The following CSMD3 variants were observed in gnomAD, a reference collection of about 807,000 sequenced individuals.
CSMD3 encodes CUB and sushi domain-containing protein 3.
A neutral mutation model predicts 435.2 loss-of-function variants in CSMD3; 177 were observed. The ratio of observed to expected loss-of-function variants is 0.41; its 90% confidence interval spans 0.36 to 0.46. CSMD3 has a LOEUF of 0.46. CSMD3 is among the 20% of genes least tolerant of loss of function. The pLI is 0.34. For synonymous variants in CSMD3, 1,656 were observed against 1,520.5 expected (o/e 1.09, Z -2.07); for missense variants, 4,265 against 4,504.6 (o/e 0.95, Z 1.52).
chr8:112,911,753 TAA>T (rs530000636), intron 10 of CSMD3, among the ~76,000 whole-genome samples: 254 of 146,752 alleles, frequency 1.7e-3, no homozygotes, highest in Admixed American at 3.2e-3. Flanking sequence ...GTATACATTA[TAA>T]TATATTTAGT....
At chr8:113,403,639 T>C (rs758387924) in intron 1 of CSMD3, among the ~76,000 whole-genome samples, 16 of 151,424 alleles carry the variant, frequency 1.1e-4, no homozygotes, top group Admixed American at 3.3e-4. Context: ...GCATTAGTAC[T>C]GTGAAACTCC....
At chr8:113,384,108 T>C (rs7464662) in intron 1 of CSMD3, among the ~76,000 whole-genome samples, 38,307 of 152,096 alleles carry the variant, frequency 0.25, 5,571 homozygotes, top group East Asian at 0.46. Flanking sequence ...TAAAAACCTG[T>C]CTTGATACTT....
intron 2 of CSMD3, among the ~76,000 whole-genome samples, chr8:113,304,952 C>T (rs1294903161): frequency 7.0e-6 from 1 of 143,302 alleles, no homozygotes; most frequent in African/African-American, 2.6e-5. Flanking sequence ...ACATATACAC[C>T]ATGGAATACT....
At chr8:112,314,387 T>C (rs1453359074) in intron 48 of CSMD3, 42 bp downstream of exon 48, 3 of 1,333,422 alleles carry the variant, frequency 2.2e-6, no homozygotes, top group Admixed American at 3.4e-5. Flanking sequence ...AGAACATTTG[T>C]ACTTAATTGA....
rs534851404 is a variant in CSMD3, at chr8:113,228,380, A to G, written c.514+50212T>C. 2.6e-4 allele frequency among the ~76,000 whole-genome samples: 40 copies of G among 151,704 alleles called. No homozygotes were observed. The South Asian group carries it at 8.1e-3, about 31-fold the overall frequency. ...ATTTATTTCATTGTATTATCTGGAC[A>G]TTGGGCTCAAAATGTGTAAACTCTA... is the stretch of plus-strand genomic sequence containing the variant. On this transcript the variant is annotated intron_variant, in intron 3 of 70. Transcript: ENST00000297405.
intron 22 of CSMD3, among the ~76,000 whole-genome samples, chr8:112,601,694 A>T (rs991165293): frequency 2.6e-5 from 4 of 152,150 alleles, no homozygotes; most frequent in Non-Finnish European, 4.4e-5. Flanking sequence ...GATTCAGGGG[A>T]AAGAAGGCAA....
rs145457521 is a variant in CSMD3 at position 112,650,304 on chromosome 8, A to C, written c.3050T>G (p.Val1017Gly). Residue 1017 changes from valine (V) to glycine (G), a missense_variant, in exon 19 of 71, where the codon GTA becomes GGA. Val to Gly is a moderately radical substitution (Grantham distance 109, BLOSUM62 -3). Coordinates refer to ENST00000297405, the MANE Select transcript of CSMD3 (RefSeq NM_198123.2). ...ATCATGACCATAGCGACGGCCATGT[A>C]CAGGTATGCCAGGGTCCAAACAAGA... is the stretch of plus-strand genomic sequence containing the variant. The part of the protein sequence containing the change: ...TYSCLDPGIP[V>G]HGRRYGHDFS... The C allele has an allele frequency of 2.0e-4, 317 of 1,613,950 alleles. 1 individual carries two copies. Among genetic ancestry groups the C allele is most frequent in the Non-Finnish European group, 2.6e-4 (303 of 1,179,856 alleles).
intron 45 of CSMD3, among the ~76,000 whole-genome samples, chr8:112,321,785 A>T (rs182246796): frequency 6.6e-6 from 1 of 152,262 alleles, no homozygotes; most frequent in East Asian, 1.9e-4. Flanking sequence ...TTAACTTGCA[A>T]GTAAAACACC....
intron 11 of CSMD3, among the ~76,000 whole-genome samples, chr8:112,837,656 T>A (rs1263053899): frequency 6.6e-6 from 1 of 151,752 alleles, no homozygotes; most frequent in Non-Finnish European, 1.5e-5. Context: ...TATTCGTATC[T>A]GTTCACAATG....
chr8:112,477,229 T>C (rs1256856453), intron 31 of CSMD3, among the ~76,000 whole-genome samples: 6 of 152,190 alleles, frequency 3.9e-5, no homozygotes, highest in Non-Finnish European at 7.3e-5. Context: ...AAATTGCTTG[T>C]TCTTTGCTTG....
intron 10 of CSMD3, among the ~76,000 whole-genome samples, chr8:112,904,295 C>G (rs755002072): frequency 5.3e-5 from 8 of 151,392 alleles, no homozygotes; most frequent in Non-Finnish European, 1.2e-4. Flanking sequence ...GTTCTTATCA[C>G]AAAATAATGT....
intron 13 of CSMD3, among the ~76,000 whole-genome samples, chr8:112,693,264 T>C (rs1435492648): frequency 1.3e-5 from 2 of 152,056 alleles, no homozygotes; most frequent in Non-Finnish European, 2.9e-5. Context: ...CAGGAAGTAG[T>C]TGTGTTAAAG....
At chr8:112,965,233 G>A (rs577177984) in intron 7 of CSMD3, among the ~76,000 whole-genome samples, 28 of 152,044 alleles carry the variant, frequency 1.8e-4, no homozygotes, top group Middle Eastern at 6.8e-3. Context: ...TCACTGTGAC[G>A]ATCTCATTCA....
intron 1 of CSMD3, among the ~76,000 whole-genome samples, chr8:113,397,827 A>C (rs958306119): frequency 2.0e-4 from 10 of 50,828 alleles, no homozygotes; most frequent in Admixed American, 4.3e-4. Flanking sequence ...CTCAAAAATA[A>C]ATAAATAAAT....
chr8:112,414,439 C>A (rs375676334), intron 32 of CSMD3, among the ~76,000 whole-genome samples: 1 of 152,186 alleles, frequency 6.6e-6, no homozygotes, highest in African/African-American at 2.4e-5. Context: ...CTCCCGTTGC[C>A]TTCTGCCATG....
chr8:113,296,598 A>G (rs961342055), intron 2 of CSMD3, among the ~76,000 whole-genome samples: 1 of 152,152 alleles, frequency 6.6e-6, no homozygotes, highest in Non-Finnish European at 1.5e-5. Flanking sequence ...TATTTGTTGA[A>G]AGTAAATGTG....
intron 27 of CSMD3, among the ~76,000 whole-genome samples, chr8:112,540,246 G>A (rs1226919015): frequency 5.3e-5 from 8 of 151,742 alleles, no homozygotes; most frequent in East Asian, 1.9e-4. Context: ...ATTATCTCAC[G>A]CCAGTTAAAA....
chr8:112,279,779 T>C (rs961238571), intron 59 of CSMD3, among the ~76,000 whole-genome samples: 2 of 152,174 alleles, frequency 1.3e-5, no homozygotes, highest in African/African-American at 2.4e-5. Context: ...ACTGAAGTTG[T>C]TGGTTCCTAT....
intron 4 of CSMD3, among the ~76,000 whole-genome samples, chr8:113,115,327 G>A (rs75918552): frequency 2.6e-5 from 4 of 152,196 alleles, no homozygotes; most frequent in Non-Finnish European, 5.9e-5. Context: ...TACAATATAG[G>A]TGCTGAAAAC....
Sources: allele counts gnomAD v4.1 joint callset (sites outside exome capture counted in the v4.1 genomes callset), GRCh38; gene constraint gnomAD v4.1.1; transcripts MANE v1.5; gene names NCBI Gene and HGNC (gene_info 2026-07-23, HGNC 2026-07-21).